Variants in USF2 observed in about 807,000 individuals in gnomAD.
USF2 encodes upstream transcription factor 2, c-fos interacting, also known as upstream stimulatory factor 2.
In USF2, 16 loss-of-function variants were observed where a neutral mutation model predicts 46.9. The observed-to-expected ratio is 0.34, with a 90% CI of 0.23 to 0.52. The LOEUF (loss-of-function observed/expected upper bound fraction) is 0.52. Among genes scored for constraint, USF2 ranks in the 20% least tolerant of loss-of-function variants. The pLI, the probability that USF2 is intolerant of heterozygous loss-of-function variation, is 0.96. For missense variants in USF2, 411 were observed against 474.0 expected, an observed-to-expected ratio of 0.87 and a Z score of 1.23; for synonymous variants, 239 against 194.1, an observed-to-expected ratio of 1.23 and a Z score of -1.92.
chr19:35,270,371 C>G, intron 4 of USF2, 76 bp from the exon 5 acceptor site: 8 of 1,556,474 alleles, frequency 5.1e-6, no homozygotes, highest in Non-Finnish European at 7.0e-6. Context: ...TGCAGTAAAC[C>G]CCAAGCACAG....
intron 6 of USF2, 106 bp downstream of exon 6, chr19:35,270,911 T>C: frequency 6.8e-7 from 1 of 1,469,688 alleles, no homozygotes. Context: ...TGGTGTAATG[T>C]TTTTTTTCTT....
chr19:35,270,284 A>G (rs1009674539), intron 4 of USF2, 163 bp from the exon 5 acceptor site: 3 of 1,126,232 alleles, frequency 2.7e-6, no homozygotes, highest in East Asian at 5.3e-5. Flanking sequence ...ACCTCCCGCC[A>G]TGTTCCAGGG....
chr19:35,271,920 G>A (rs553221622), intron 7 of USF2, among the ~76,000 whole-genome samples: 2 of 152,296 alleles, frequency 1.3e-5, no homozygotes, highest in Admixed American at 1.3e-4. Context: ...CTGGGGTGAC[G>A]CTTCCCTAGG....
At position 35,269,697 on chromosome 19, in the gene USF2, C is replaced by G. The variant is rs1326084966; in HGVS notation, c.226C>G (p.Gln76Glu). ...GTTCCGCACAGAGACAAATGGAGGA[C>G]AGGTGAGCGGCGGGCCGCGAGGGCG... ...YQFRTETNGG[Q>E]VTYRVVQVTD... Residue 76 changes from glutamine to glutamate, a missense_variant and splice_region_variant, in exon 3 of 10, where the codon CAG (glutamine) becomes GAG (glutamate). Gln to Glu is a conservative substitution (Grantham distance 29, BLOSUM62 2). This residue lies in a region of USF2 where 318 missense variants were observed against 322.4 expected (regional missense o/e 0.99). Coordinates refer to ENST00000222305, the MANE Select transcript of USF2 (RefSeq NM_003367.4). 1 of 952,380 alleles carries G rather than the reference C, an allele frequency of 1.0e-6. No individual in the cohort carries two copies. Among genetic ancestry groups the G allele is most frequent in the South Asian group, 1.6e-5 (1 of 61,864 alleles). The allele number at this position is 952,380 out of a possible 1,614,324, so 59.0% of individuals were successfully genotyped here. A position where few individuals can be genotyped will look rare whatever the true frequency, so the allele number is the denominator to read the frequency against.
intron 8 of USF2, 46 bp downstream of exon 8, chr19:35,278,838 A>AAAGT (rs753169306): frequency 6.2e-7 from 1 of 1,610,618 alleles, no homozygotes; most frequent in East Asian, 2.2e-5. Context: ...CCGGCCCCCG[A>AAAGT]CCCTTGCATG....
chr19:35,274,648 T>G (rs577603953), intron 7 of USF2, among the ~76,000 whole-genome samples: 1 of 152,240 alleles, frequency 6.6e-6, no homozygotes. Flanking sequence ...CCAAAAAAAT[T>G]AAAAATTAGC....
chr19:35,278,863 G>A, intron 8 of USF2, 71 bp downstream of exon 8: 1 of 1,608,316 alleles, frequency 6.2e-7, no homozygotes, highest in Non-Finnish European at 8.5e-7. Flanking sequence ...AAGTCCAACA[G>A]CCATGGGGCT....
Position 35,279,380 on chromosome 19 carries a change from A to C in USF2, c.*124A>C. 9.1e-7 allele frequency: 1 copy of C among 1,097,034 alleles called. No individual in the cohort carries two copies. Among genetic ancestry groups the C allele is most frequent in the Non-Finnish European group, 1.2e-6 (1 of 813,988 alleles). 68.0% of individuals were successfully genotyped at this position (1,097,034 alleles called of 1,614,324 possible). On this transcript the variant is annotated 3_prime_UTR_variant, in exon 10 of 10. Transcript: ENST00000222305. ...CTGCGTTTTTTTATAGTAGATTTTT[A>C]ACAAAAAACGGGGAGAAATAATGCA...
At chr19:35,271,682 C>T (rs1213088037) in intron 7 of USF2, among the ~76,000 whole-genome samples, 1 of 152,230 alleles carries the variant, frequency 6.6e-6, no homozygotes. Context: ...AGCACTGTCC[C>T]GCCCCGCCTG....
rs1181075910 is a variant in USF2, at chr19:35,271,089, T to G, written c.675T>G (p.Ile225Met). The G allele has an allele frequency of 6.2e-7, 1 of 1,613,560 alleles. No individual in the cohort carries two copies. The highest frequency in any genetic ancestry group is 1.3e-5 in the African/African-American group (1 of 74,762). Residue 225 changes from isoleucine to methionine, a missense_variant, in exon 7 of 10, where the codon ATT (isoleucine) becomes ATG (methionine). Coordinates refer to ENST00000222305, the MANE Select transcript of USF2 (RefSeq NM_003367.4). ...APRTHPYSPK[I>M]DGTRTPRDER... ...TTTTTTCCTCCTCTTGTAGAAAAAT[T>G]GATGGAACCAGAACACCCCGAGATG...
rs761604741 is a variant in USF2, at chr19:35,270,554, G to A, written c.537G>A (p.Thr179=). The A allele has an allele frequency of 7.4e-6, 12 of 1,614,030 alleles. No homozygotes were observed. The highest frequency in any genetic ancestry group is 1.0e-5 in the Non-Finnish European group (12 of 1,180,026). ...CAGCGTCCAGTGTGGGAGATACTAC[G>A]GCTGTGTCCGTACAGACCACAGACC... ...YFPASSVGDT[T]AVSVQTTDQS... The change falls in exon 5 of 10, where the codon ACG becomes ACA. Residue 179 remains threonine (T), a synonymous_variant. Coordinates refer to ENST00000222305, the MANE Select transcript of USF2 (RefSeq NM_003367.4).
intron 7 of USF2, among the ~76,000 whole-genome samples, chr19:35,274,923 C>G (rs1024460037): frequency 1.3e-5 from 2 of 151,184 alleles, no homozygotes; most frequent in Non-Finnish European, 2.9e-5. Context: ...CCACTGTTGC[C>G]AGAAACTCTG....
chr19:35,272,064 A>G (rs2066164423), intron 7 of USF2, among the ~76,000 whole-genome samples: 1 of 152,118 alleles, frequency 6.6e-6, no homozygotes, highest in Non-Finnish European at 1.5e-5. Flanking sequence ...GCTGAGTCCT[A>G]AAGGTGGTGA....
chr19:35,275,051 GT>G (rs1190082761), intron 7 of USF2: 1 of 152,132 alleles, frequency 6.6e-6, no homozygotes, highest in Non-Finnish European at 1.5e-5. Flanking sequence ...TACTCACTTG[GT>G]TTTTTGTTTG....
At chr19:35,273,536 T>C (rs1435657494) in intron 7 of USF2, among the ~76,000 whole-genome samples, 1 of 152,338 alleles carries the variant, frequency 6.6e-6, no homozygotes, top group Admixed American at 6.5e-5. Context: ...GTGGACAAGC[T>C]TGAGAAACTG....
intron 7 of USF2, chr19:35,277,560 C>T (rs1200187473): frequency 2.6e-5 from 4 of 152,144 alleles, no homozygotes; most frequent in Non-Finnish European, 4.4e-5. Flanking sequence ...TGTGGCCCAC[C>T]CCTCCTTCTC....
intron 6 of USF2, 51 bp downstream of exon 6, chr19:35,270,856 G>T: frequency 6.2e-7 from 1 of 1,607,832 alleles, no homozygotes; most frequent in Non-Finnish European, 8.5e-7. Flanking sequence ...GAAGGAAGAG[G>T]GGTTTCTGGA....
intron 8 of USF2, 30 bp downstream of exon 8, chr19:35,278,822 G>T: frequency 6.2e-7 from 1 of 1,613,380 alleles, no homozygotes; most frequent in Non-Finnish European, 8.5e-7. Flanking sequence ...AGTGTCTGCG[G>T]TGGTCCCGGC....
chr19:35,278,815 G>A, intron 8 of USF2, 23 bp downstream of exon 8: 2 of 1,613,530 alleles, frequency 1.2e-6, no homozygotes, highest in Non-Finnish European at 1.7e-6. Context: ...GACCCTCAGT[G>A]TCTGCGGTGG....
Sources: allele counts gnomAD v4.1 joint callset (sites outside exome capture counted in the v4.1 genomes callset), GRCh38; gene constraint gnomAD v4.1.1; regional missense constraint gnomAD v4.1.1; transcripts MANE v1.5; gene names NCBI Gene and HGNC (gene_info 2026-07-23, HGNC 2026-07-21).